ARHGAP26: variants seen among roughly 807,000 people sequenced by gnomAD.
The protein encoded by ARHGAP26 is Rho GTPase activating protein 26.
Under a neutral mutation model 104.8 loss-of-function variants are expected in ARHGAP26, and 38 were observed. That is an observed-to-expected ratio of 0.36 (90% confidence interval 0.28 to 0.48). ARHGAP26 has a LOEUF of 0.48. Ranked by LOEUF, ARHGAP26 falls within the 20% of genes least tolerant of loss-of-function variation. The pLI, the probability that ARHGAP26 is intolerant of heterozygous loss-of-function variation, is 0.99. For missense variants in ARHGAP26, 704 were observed against 947.9 expected (o/e 0.74, Z 3.38); for synonymous variants, 341 against 340.0 (o/e 1.00, Z -0.03).
intron 17 of ARHGAP26, among the ~76,000 whole-genome samples, chr5:143,098,258 G>A (rs1792700488): frequency 6.6e-6 from 1 of 152,142 alleles, no homozygotes; most frequent in Admixed American, 6.5e-5. Flanking sequence ...ACATTGGATA[G>A]CATAACTGTT....
intron 21 of ARHGAP26, among the ~76,000 whole-genome samples, chr5:143,212,419 C>G (rs1004374512): frequency 2.0e-5 from 3 of 151,652 alleles, no homozygotes; most frequent in Non-Finnish European, 2.9e-5. Flanking sequence ...GATGTTTGGT[C>G]CTTGCTGGCC....
At chr5:142,805,265 G>T (rs1015013610) in intron 1 of ARHGAP26, among the ~76,000 whole-genome samples, 1 of 151,960 alleles carries the variant, frequency 6.6e-6, no homozygotes, top group Non-Finnish European at 1.5e-5. Flanking sequence ...ACCACACCTG[G>T]CTAATTTTGT....
intron 4 of ARHGAP26, among the ~76,000 whole-genome samples, chr5:142,883,421 C>T (rs1598070478): frequency 6.6e-6 from 1 of 152,334 alleles, no homozygotes; most frequent in African/African-American, 2.4e-5. Context: ...GTAATGTGTC[C>T]TCAGGCTTTT....
chr5:143,154,897 T>C (rs2151023918), intron 20 of ARHGAP26, among the ~76,000 whole-genome samples: 1 of 152,340 alleles, frequency 6.6e-6, no homozygotes, highest in East Asian at 1.9e-4. Flanking sequence ...TGCTATTTTA[T>C]GCCAAAGGGT....
chr5:142,873,427 C>T lies in ARHGAP26; in HGVS notation c.182C>T (p.Ala61Val). Residue 61 changes from alanine (A) to valine (V), a missense_variant, in exon 2 of 23, where the codon GCA (alanine) becomes GTA (valine). By Grantham distance (64) the Ala-to-Val change is moderately conservative (BLOSUM62 0). This residue lies in a region of ARHGAP26 where 77 missense variants were observed against 82.6 expected (regional missense o/e 0.93). Coordinates refer to ENST00000645722, the MANE Select transcript of ARHGAP26 (RefSeq NM_001135608.3). ...TTGTCTTCAGCGAAGCGGAAGTTTG[C>T]AGATTCCTTAAATGAATTTAAATTT... ...KNLSSAKRKFADSLNEFKFQC... is the reference protein window; with the variant it reads ...KNLSSAKRKFVDSLNEFKFQC... 1 of 1,597,912 alleles carries T rather than the reference C, an allele frequency of 6.3e-7. No individual in the cohort carries two copies. The highest frequency in any genetic ancestry group is 1.1e-5 in the South Asian group (1 of 87,268).
intron 1 of ARHGAP26, among the ~76,000 whole-genome samples, chr5:142,794,975 T>C (rs891217834): frequency 6.6e-6 from 1 of 152,232 alleles, no homozygotes; most frequent in African/African-American, 2.4e-5. Flanking sequence ...GGCAAGCTTT[T>C]TCTGTAAAGG....
At chr5:142,812,879 A>G (rs943488858) in intron 1 of ARHGAP26, among the ~76,000 whole-genome samples, 1 of 151,438 alleles carries the variant, frequency 6.6e-6, no homozygotes, top group Non-Finnish European at 1.5e-5. Context: ...GCAATCAATT[A>G]TCTGTGGGAG....
At chr5:143,173,176 C>T (rs1302453647) in intron 20 of ARHGAP26, 2 of 165,150 alleles carry the variant, frequency 1.2e-5, no homozygotes, top group East Asian at 2.5e-4. Flanking sequence ...AAAAGTTACC[C>T]ATGGGAAGAT....
At chr5:142,869,121 G>A (rs368039637) in intron 1 of ARHGAP26, among the ~76,000 whole-genome samples, 10 of 152,228 alleles carry the variant, frequency 6.6e-5, no homozygotes, top group East Asian at 3.9e-4. Flanking sequence ...CAGCCATGAG[G>A]CCAATCCTGT....
At chr5:143,160,964 G>A (rs528771127) in intron 20 of ARHGAP26, among the ~76,000 whole-genome samples, 4 of 151,210 alleles carry the variant, frequency 2.6e-5, no homozygotes, top group Non-Finnish European at 4.4e-5. Flanking sequence ...TCAGGAAGCT[G>A]AGTAGAACCA....
chr5:142,821,973 T>C (rs1448936062), intron 1 of ARHGAP26, among the ~76,000 whole-genome samples: 1 of 152,204 alleles, frequency 6.6e-6, no homozygotes, highest in African/African-American at 2.4e-5. Flanking sequence ...ACCCAGCCCT[T>C]TGAGGGAAAT....
At chr5:143,182,079 T>G (rs1296555460) in intron 20 of ARHGAP26, among the ~76,000 whole-genome samples, 1 of 152,230 alleles carries the variant, frequency 6.6e-6, no homozygotes. Context: ...GGTTCTTCCC[T>G]GATCCTTACA....
At chr5:142,865,000 G>C (rs1754013605) in intron 1 of ARHGAP26, among the ~76,000 whole-genome samples, 1 of 152,204 alleles carries the variant, frequency 6.6e-6, no homozygotes, top group South Asian at 2.1e-4. Context: ...TCCCTCACTT[G>C]ATTAGTCCCT....
intron 20 of ARHGAP26, among the ~76,000 whole-genome samples, chr5:143,150,338 A>T (rs954262837): frequency 1.3e-5 from 2 of 152,232 alleles, no homozygotes; most frequent in African/African-American, 4.8e-5. Context: ...AGTCTAGCTA[A>T]GAAAGAAAGG....
chr5:143,138,731 A>G (rs891666189), intron 19 of ARHGAP26, among the ~76,000 whole-genome samples: 5 of 152,228 alleles, frequency 3.3e-5, no homozygotes, highest in African/African-American at 1.2e-4. Flanking sequence ...TTTAATATCT[A>G]TGACTATATA....
intron 20 of ARHGAP26, among the ~76,000 whole-genome samples, chr5:143,153,780 G>A (rs974065441): frequency 6.8e-6 from 1 of 147,234 alleles, no homozygotes; most frequent in Non-Finnish European, 1.5e-5. Flanking sequence ...TCGTCCTTCT[G>A]TCTTAACACA....
chr5:143,167,482 C>CAAAAA, intron 20 of ARHGAP26, among the ~76,000 whole-genome samples: 1 of 60,088 alleles, frequency 1.7e-5, no homozygotes, highest in African/African-American at 8.4e-5. Context: ...GACTCCATCT[C>CAAAAA]AAAAAAAAAA....
intron 17 of ARHGAP26, among the ~76,000 whole-genome samples, chr5:143,061,893 G>A (rs986951141): frequency 6.6e-6 from 1 of 152,188 alleles, no homozygotes; most frequent in Non-Finnish European, 1.5e-5. Flanking sequence ...TTAAGGGCTA[G>A]GATGATACTT....
intron 17 of ARHGAP26, among the ~76,000 whole-genome samples, chr5:143,103,712 G>A (rs1190475849): frequency 1.3e-5 from 2 of 152,166 alleles, no homozygotes; most frequent in Non-Finnish European, 2.9e-5. Flanking sequence ...ACCAAACACT[G>A]CATGTTCTCA....
Sources: gnomAD v4.1 joint callset for allele counts (sites outside exome capture counted in the v4.1 genomes callset) on GRCh38, gnomAD v4.1.1 for gene constraint, gnomAD v4.1.1 regional missense constraint, MANE v1.5 for transcripts, NCBI Gene and HGNC (gene_info 2026-07-23, HGNC 2026-07-21) for gene names.